PPP1R9A: variants seen among roughly 807,000 people sequenced by gnomAD.
PPP1R9A encodes protein phosphatase 1 regulatory subunit 9A.
PPP1R9A carries 59 observed loss-of-function variants against 141.9 expected under a neutral mutation model. The ratio of observed to expected loss-of-function variants is 0.42; its 90% confidence interval spans 0.34 to 0.52. The LOEUF is 0.52. PPP1R9A is among the 20% of genes least tolerant of loss of function. PPP1R9A has a pLI of 0.10. For missense variants in PPP1R9A, 1,444 were observed against 1,611.9 expected (o/e 0.90, Z 1.78); for synonymous variants, 500 against 569.7 (o/e 0.88, Z 1.74).
chr7:95,241,217 G>A (rs1797407715), intron 8 of PPP1R9A, among the ~76,000 whole-genome samples: 1 of 152,196 alleles, frequency 6.6e-6, no homozygotes, highest in Non-Finnish European at 1.5e-5. Flanking sequence ...GCAGCTGAAA[G>A]TATGCAGTGT....
chr7:95,128,751 AT>A (rs762133638), intron 4 of PPP1R9A, among the ~76,000 whole-genome samples: 20 of 152,070 alleles, frequency 1.3e-4, no homozygotes, highest in Admixed American at 3.3e-4. Flanking sequence ...TAATTTTTGT[AT>A]TTTTAGTAGA....
intron 2 of PPP1R9A, among the ~76,000 whole-genome samples, chr7:95,060,648 C>A (rs1264484647): frequency 1.3e-5 from 2 of 152,150 alleles, no homozygotes; most frequent in Non-Finnish European, 2.9e-5. Context: ...TAAGTTACAA[C>A]TGGATTTAGA....
At chr7:94,957,795 T>C (rs941281190) in intron 2 of PPP1R9A, among the ~76,000 whole-genome samples, 1 of 152,088 alleles carries the variant, frequency 6.6e-6, no homozygotes, top group Admixed American at 6.6e-5. Context: ...ACACTTCTTT[T>C]TGTAGGAACG....
intron 2 of PPP1R9A, among the ~76,000 whole-genome samples, chr7:94,975,906 C>T (rs1231765295): frequency 1.3e-5 from 2 of 152,130 alleles, no homozygotes; most frequent in Non-Finnish European, 2.9e-5. Context: ...TATTCATTCC[C>T]CTAGTGATTA....
chr7:95,075,679 C>CA (rs1229336076), intron 2 of PPP1R9A, among the ~76,000 whole-genome samples: 10 of 151,648 alleles, frequency 6.6e-5, no homozygotes, highest in African/African-American at 7.3e-5. Context: ...ACTAAAAATA[C>CA]AAAAAAAATT....
At chr7:95,023,831 C>T (rs11972632) in intron 2 of PPP1R9A, among the ~76,000 whole-genome samples, 11 of 152,126 alleles carry the variant, frequency 7.2e-5, no homozygotes, top group Admixed American at 1.3e-4. Flanking sequence ...GGATTACAGG[C>T]GTGAGCCACC....
rs1182238957 is a variant in PPP1R9A at position 95,256,994 on chromosome 7, T to C, written c.2665+4864T>C. On this transcript the variant is annotated intron_variant, in intron 12 of 19. Coordinates refer to ENST00000433360, the MANE Select transcript of PPP1R9A (RefSeq NM_001166160.2). Reference sequence around the variant, plus strand: ...AAAAATGCTTTTTATGCAAAATTAATCTATATATCCCATGCAGTTTTAATT... The same window carrying C: ...AAAAATGCTTTTTATGCAAAATTAACCTATATATCCCATGCAGTTTTAATT... Among the ~76,000 whole-genome samples the C allele has an allele frequency of 3.3e-5, 5 of 152,304 alleles. No individual in the cohort carries two copies. In the East Asian group the frequency reaches 7.7e-4, roughly 23 times the overall value.
chr7:95,163,879 C>T (rs781725200), intron 5 of PPP1R9A, among the ~76,000 whole-genome samples: 7 of 152,130 alleles, frequency 4.6e-5, no homozygotes, highest in Non-Finnish European at 1.0e-4. Context: ...AGCTGGATTA[C>T]AGGCATCCAC....
At chr7:95,210,103 A>G (rs1252525389) in intron 7 of PPP1R9A, among the ~76,000 whole-genome samples, 8 of 152,186 alleles carry the variant, frequency 5.3e-5, no homozygotes, top group Admixed American at 5.2e-4. Flanking sequence ...TTCCCTTCTC[A>G]TATAGAATAT....
intron 2 of PPP1R9A, among the ~76,000 whole-genome samples, chr7:94,975,251 A>G (rs1333605341): frequency 1.3e-5 from 2 of 152,118 alleles, no homozygotes; most frequent in Non-Finnish European, 2.9e-5. Context: ...TTCATAGATG[A>G]AGAAAAGTAG....
chr7:95,202,573 T>C, intron 6 of PPP1R9A: 1 of 899,372 alleles, frequency 1.1e-6, no homozygotes, highest in Non-Finnish European at 1.3e-6. Context: ...TCTGAAAGGT[T>C]GCCATGGAGG....
At chr7:95,273,574 A>G (rs1166258567) in intron 14 of PPP1R9A, among the ~76,000 whole-genome samples, 2 of 152,218 alleles carry the variant, frequency 1.3e-5, no homozygotes, top group African/African-American at 4.8e-5. Context: ...TTGGAGCCAG[A>G]GAAGGAACAA....
At chr7:94,977,428 G>A (rs545243885) in intron 2 of PPP1R9A, among the ~76,000 whole-genome samples, 2 of 152,244 alleles carry the variant, frequency 1.3e-5, no homozygotes, top group South Asian at 4.1e-4. Context: ...AGAAAATGGG[G>A]TGATCAGTTT....
At chr7:95,199,439 T>C (rs1789039200) in intron 6 of PPP1R9A, among the ~76,000 whole-genome samples, 1 of 152,196 alleles carries the variant, frequency 6.6e-6, no homozygotes, top group African/African-American at 2.4e-5. Flanking sequence ...AGAATTTTGC[T>C]TTCTAGCCAG....
rs397978119 is a variant in PPP1R9A at position 95,139,827 on chromosome 7, GA to G, written c.1649+19005del. The stretch of plus-strand genomic sequence containing the variant: ...CAAAACATTAAAAAAAAAAAAAAAA[GA>G]AAAAAAAAACCCTGAAGCTTTGACT... On this transcript the variant is annotated intron_variant, in intron 4 of 19. Transcript: ENST00000433360. Among the ~76,000 whole-genome samples, 363 of 126,046 alleles carry G rather than the reference GA, an allele frequency of 2.9e-3. 1 individual carries two copies. Among genetic ancestry groups the G allele is most frequent in the African/African-American group, 9.5e-3 (328 of 34,632 alleles). 82.7% of individuals were successfully genotyped at this position (126,046 alleles called of 152,430 possible).
At chr7:95,027,286 T>G (rs1042815695) in intron 2 of PPP1R9A, among the ~76,000 whole-genome samples, 6 of 152,152 alleles carry the variant, frequency 3.9e-5, no homozygotes, top group African/African-American at 1.4e-4. Context: ...TGGGCCAGAA[T>G]GCACCATTCC....
rs774677192 is a variant in PPP1R9A, at chr7:94,910,423, G to T, written c.310G>T (p.Glu104Ter). The T allele has an allele frequency of 6.2e-7, 1 of 1,614,134 alleles. No individual in the cohort carries two copies. Among genetic ancestry groups the T allele is most frequent in the East Asian group, 2.2e-5 (1 of 44,872 alleles). Residue 104 changes from glutamate to a stop codon, truncating the protein, a stop_gained, in exon 2 of 20, where the codon GAA (glutamate) becomes TAA (stop). Coordinates refer to ENST00000433360, the MANE Select transcript of PPP1R9A (RefSeq NM_001166160.2). LOFTEE classifies it high-confidence loss of function. This position sits in a 1 kb window ranked among gnomAD's most constrained non-coding sequence, Gnocchi z 4.5. ...SSPQRRMKPK[E>*]FLEKTDGSVV... is the part of the protein sequence containing the mutation. ...TCCTCAGAGAAGAATGAAGCCCAAA[G>T]AATTTCTGGAAAAAACAGATGGCTC...
At chr7:95,096,831 CT>C (rs1818085451) in intron 2 of PPP1R9A, among the ~76,000 whole-genome samples, 1 of 152,138 alleles carries the variant, frequency 6.6e-6, no homozygotes, top group Non-Finnish European at 1.5e-5. Context: ...TCCACACATA[CT>C]ACCCCCAACC....
intron 2 of PPP1R9A, among the ~76,000 whole-genome samples, chr7:95,045,891 C>CT (rs1809939433): frequency 6.6e-6 from 1 of 152,124 alleles, no homozygotes; most frequent in Non-Finnish European, 1.5e-5. Context: ...AGAAAATGGG[C>CT]TTATAATGGA....
Sources: allele counts gnomAD v4.1 joint callset (sites outside exome capture counted in the v4.1 genomes callset), GRCh38; gene constraint gnomAD v4.1.1; non-coding constraint Gnocchi (gnomAD v3.1); transcripts MANE v1.5; gene names NCBI Gene and HGNC (gene_info 2026-07-23, HGNC 2026-07-21).